ALKBH3: variants seen among roughly 807,000 people sequenced by gnomAD.
ALKBH3 encodes the protein alkB homolog 3, alpha-ketoglutarate dependent dioxygenase, also known as alpha-ketoglutarate-dependent dioxygenase alkB homolog 3.
In ALKBH3, 51 loss-of-function variants were observed where a neutral mutation model predicts 43.9. The observed-to-expected ratio is 1.16, with a 90% CI of 0.93 to 1.47. The LOEUF is 1.47. Ranked by LOEUF, ALKBH3 falls within the 40% of genes most tolerant of loss-of-function variation. The pLI, the probability that ALKBH3 is intolerant of heterozygous loss-of-function variation, is 0.00. For synonymous variants in ALKBH3, 102 were observed against 115.2 expected (o/e 0.89, Z 0.73); for missense variants, 361 against 351.9 (o/e 1.03, Z -0.21).
intron 7 of ALKBH3, chr11:43,899,135 G>A (rs773137305): frequency 2.7e-5 from 21 of 769,754 alleles, no homozygotes; most frequent in Middle Eastern, 2.3e-4. Flanking sequence ...CCAAGAGGTC[G>A]CCACAGCCAC....
At chr11:43,897,332 G>A (rs761632476) in intron 7 of ALKBH3, 1 of 640,074 alleles carries the variant, frequency 1.6e-6, no homozygotes, top group Non-Finnish European at 2.9e-6. Flanking sequence ...TAGACTTTGG[G>A]CTCCTTGAGA....
intron 7 of ALKBH3, among the ~76,000 whole-genome samples, chr11:43,895,567 A>G (rs182361059): frequency 1.5e-3 from 226 of 152,334 alleles, no homozygotes; most frequent in Non-Finnish European, 1.9e-3. Context: ...GACTAATGCA[A>G]TAGACATTCA....
chr11:43,914,214 C>T (rs1262706836), intron 8 of ALKBH3, among the ~76,000 whole-genome samples: 7 of 152,208 alleles, frequency 4.6e-5, no homozygotes, highest in African/African-American at 1.7e-4. Context: ...GGCTTTAGAG[C>T]CGGGCCAATC....
intron 4 of ALKBH3, 145 bp downstream of exon 4, chr11:43,884,162 T>G: frequency 1.0e-6 from 1 of 966,120 alleles, no homozygotes. Context: ...CTCAAATGTC[T>G]TTAAACTTGA....
Position 43,882,669 on chromosome 11 carries a change from G to T in ALKBH3, c.17G>T (p.Arg6Leu). ...TTGGTCAACATGGAGGAAAAAAGACGGCGAGCCCGAGTTCAGGGAGCCTGG... is the reference window on the plus strand; with the variant it reads ...TTGGTCAACATGGAGGAAAAAAGACTGCGAGCCCGAGTTCAGGGAGCCTGG... MEEKR[R>L]RARVQGAWAA... Residue 6 changes from arginine (R) to leucine (L), a missense_variant, in exon 2 of 10, where the codon CGG becomes CTG. By Grantham distance (102) the Arg-to-Leu change is moderately radical. Coordinates refer to ENST00000302708, the MANE Select transcript of ALKBH3 (RefSeq NM_139178.4). 6.2e-7 allele frequency: 1 copy of T among 1,613,206 alleles called. No individual in the cohort carries two copies. The highest frequency in any genetic ancestry group is 8.5e-7 in the Non-Finnish European group (1 of 1,179,748).
chr11:43,913,234 C>A (rs942559729), intron 8 of ALKBH3, among the ~76,000 whole-genome samples: 5 of 151,350 alleles, frequency 3.3e-5, no homozygotes, highest in Non-Finnish European at 7.4e-5. Flanking sequence ...GGTATATTTG[C>A]AGGTTTGTTA....
chr11:43,901,693 C>G lies in ALKBH3; in HGVS notation c.637C>G (p.Arg213Gly). The G allele has an allele frequency of 6.2e-7, 1 of 1,614,234 alleles. No individual in the cohort carries two copies. The highest frequency in any genetic ancestry group is 1.3e-5 in the African/African-American group (1 of 75,060). ...IIASLSFGAT[R>G]TFEMRKKPPP... Reference sequence around the variant, plus strand: ...TGCTTCACTAAGTTTTGGTGCCACACGCACATTTGAGATGAGAAAGAAGCC... The same window carrying G: ...TGCTTCACTAAGTTTTGGTGCCACAGGCACATTTGAGATGAGAAAGAAGCC... Residue 213 changes from arginine to glycine, a missense_variant, in exon 8 of 10, where the codon CGC becomes GGC. By Grantham distance (125) the Arg-to-Gly change is moderately radical (BLOSUM62 -2). Transcript: ENST00000302708.
intron 7 of ALKBH3, among the ~76,000 whole-genome samples, chr11:43,893,545 G>A (rs1431009525): frequency 6.6e-6 from 1 of 152,086 alleles, no homozygotes; most frequent in Non-Finnish European, 1.5e-5. Context: ...CACATAAACA[G>A]GAAGAATATT....
intron 8 of ALKBH3, among the ~76,000 whole-genome samples, chr11:43,911,851 C>G (rs918008371): frequency 2.0e-5 from 3 of 152,028 alleles, no homozygotes; most frequent in Non-Finnish European, 4.4e-5. Flanking sequence ...GGCCAGGCGC[C>G]GTGGCTCATG....
At chr11:43,908,809 G>C (rs1951915412) in intron 8 of ALKBH3, among the ~76,000 whole-genome samples, 2 of 152,218 alleles carry the variant, frequency 1.3e-5, no homozygotes, top group South Asian at 4.1e-4. Context: ...GTGCAGTCCA[G>C]AAGGAAAGGC....
At chr11:43,917,481 G>A (rs758874680) in intron 8 of ALKBH3, among the ~76,000 whole-genome samples, 4 of 152,154 alleles carry the variant, frequency 2.6e-5, no homozygotes, top group Non-Finnish European at 4.4e-5. Context: ...CTCTGATTAT[G>A]TAGAGGGTAG....
intron 9 of ALKBH3, 35 bp downstream of exon 9, chr11:43,919,171 T>A (rs1365446984): frequency 1.3e-6 from 2 of 1,549,818 alleles, no homozygotes; most frequent in Non-Finnish European, 1.8e-6. Context: ...TCTGCTTTCA[T>A]GTGGAGGCAG....
chr11:43,899,355 G>T (rs1951843914), intron 7 of ALKBH3: 1 of 697,568 alleles, frequency 1.4e-6, no homozygotes, highest in East Asian at 2.8e-5. Context: ...TGCACCATCA[G>T]CAGCCTGCCC....
At chr11:43,899,363 C>T (rs1951843950) in intron 7 of ALKBH3, 2 of 699,614 alleles carry the variant, frequency 2.9e-6, no homozygotes. Context: ...CAGCAGCCTG[C>T]CCCAGGTGGA....
chr11:43,887,729 G>A lies in ALKBH3; in HGVS notation c.266+1076G>A, dbSNP rs539754874. Among the ~76,000 whole-genome samples the A allele has an allele frequency of 2.9e-4, 44 of 152,192 alleles. 2 individuals carry two copies. Among genetic ancestry groups the A allele is most frequent in the Admixed American group, 2.4e-3 (36 of 15,294 alleles). ...TTATACTTCATGTATATTACATATTGTAGATTATTGTGTATAATGTTACAA... is the reference window on the plus strand; with the variant it reads ...TTATACTTCATGTATATTACATATTATAGATTATTGTGTATAATGTTACAA... On this transcript the variant is annotated intron_variant, in intron 5 of 9. Transcript: ENST00000302708.
At chr11:43,902,052 A>G (rs1951867448) in intron 8 of ALKBH3, among the ~76,000 whole-genome samples, 1 of 152,232 alleles carries the variant, frequency 6.6e-6, no homozygotes, top group Non-Finnish European at 1.5e-5. Context: ...AATTGTGATC[A>G]ATGCTGTGAA....
chr11:43,913,462 A>G (rs1267523119), intron 8 of ALKBH3, among the ~76,000 whole-genome samples: 1 of 152,234 alleles, frequency 6.6e-6, no homozygotes, highest in Non-Finnish European at 1.5e-5. Flanking sequence ...CAAATAATAA[A>G]TTAAACAAAT....
At chr11:43,916,516 GAT>G (rs1473929738) in intron 8 of ALKBH3, among the ~76,000 whole-genome samples, 1 of 152,106 alleles carries the variant, frequency 6.6e-6, no homozygotes, top group Admixed American at 6.5e-5. Flanking sequence ...CAGGATGAGT[GAT>G]GGAAAATTTT....
At chr11:43,888,927 A>T (rs1450100277) in intron 5 of ALKBH3, among the ~76,000 whole-genome samples, 1 of 152,258 alleles carries the variant, frequency 6.6e-6, no homozygotes, top group Non-Finnish European at 1.5e-5. Flanking sequence ...GTTTATTTTG[A>T]TACAGTCATA....
Sources: gnomAD v4.1 joint callset for allele counts (sites outside exome capture counted in the v4.1 genomes callset) on GRCh38, gnomAD v4.1.1 for gene constraint, MANE v1.5 for transcripts, NCBI Gene and HGNC (gene_info 2026-07-23, HGNC 2026-07-21) for gene names.